Variants in TRIM37 observed in about 807,000 individuals in gnomAD.
TRIM37 encodes the protein tripartite motif containing 37, also known as E3 ubiquitin-protein ligase TRIM37.
In TRIM37, 80 loss-of-function variants were observed where a neutral mutation model predicts 129.8. That is an observed-to-expected ratio of 0.62 (90% CI 0.51 to 0.74). TRIM37 has a LOEUF of 0.74. Among genes scored for constraint, TRIM37 ranks in the 30% least tolerant of loss-of-function variants. The pLI is 0.00. For missense variants in TRIM37, 1,054 were observed against 1,176.5 expected (o/e 0.90, Z 1.52); for synonymous variants, 389 against 387.1 (o/e 1.00, Z -0.06).
intron 17 of TRIM37, among the ~76,000 whole-genome samples, chr17:59,036,628 A>C (rs572926370): frequency 6.6e-6 from 1 of 152,208 alleles, no homozygotes; most frequent in East Asian, 1.9e-4. Context: ...GACTACAGCC[A>C]GTTGAGTCAA....
Position 59,041,916 on chromosome 17 carries a change from CCAT to C in TRIM37, c.1668-21_1668-19del, listed in dbSNP as rs780160420. On this transcript the variant is annotated intron_variant, in intron 16 of 23. Coordinates refer to ENST00000262294, the MANE Select transcript of TRIM37 (RefSeq NM_015294.6). ...CTCCAGACCTAAGAATATACAAAAT[CCAT>C]CATTTATATAGAGTGATACAATAAA... 3 of 1,574,882 alleles carry C rather than the reference CCAT, an allele frequency of 1.9e-6. No homozygotes were observed. Among genetic ancestry groups the C allele is most frequent in the African/African-American group, 2.7e-5 (2 of 74,138 alleles).
chr17:58,976,110 C>T, the TRIM37 span, among the ~76,000 whole-genome samples: 2 of 151,872 alleles, frequency 1.3e-5, no homozygotes, highest in African/African-American at 2.4e-5. Flanking sequence ...ATTTTTAGGA[C>T]GAGGAGATTT....
intron 21 of TRIM37, among the ~76,000 whole-genome samples, chr17:59,014,487 T>C (rs2035663196): frequency 1.3e-5 from 2 of 152,128 alleles, no homozygotes; most frequent in African/African-American, 4.8e-5. Flanking sequence ...TGAGTTTATG[T>C]CTCCTAGGGG....
intron 13 of TRIM37, among the ~76,000 whole-genome samples, chr17:59,055,655 G>A (rs372185411): frequency 3.7e-5 from 5 of 135,910 alleles, no homozygotes; most frequent in East Asian, 4.3e-4. Context: ...CCGATATGTC[G>A]CCTCTGGGCG....
At chr17:59,096,090 C>T (rs1000692446) in intron 2 of TRIM37, among the ~76,000 whole-genome samples, 6 of 152,142 alleles carry the variant, frequency 3.9e-5, no homozygotes, top group Middle Eastern at 3.4e-3. Flanking sequence ...GGTATGTCTA[C>T]CAAAGAAAGG....
intron 2 of TRIM37, among the ~76,000 whole-genome samples, chr17:59,095,209 C>T (rs1568242798): frequency 6.6e-6 from 1 of 151,234 alleles, no homozygotes; most frequent in Non-Finnish European, 1.5e-5. Flanking sequence ...GAGCAAGACT[C>T]GGTCTCTTAA....
At chr17:59,101,333 T>C (rs1002379958) in intron 2 of TRIM37, among the ~76,000 whole-genome samples, 10 of 151,922 alleles carry the variant, frequency 6.6e-5, no homozygotes, top group Non-Finnish European at 1.3e-4. Flanking sequence ...AATATTAATA[T>C]AGTAGCAGGA....
downstream of TRIM37, among the ~76,000 whole-genome samples, chr17:58,996,669 T>C (rs1199598430): frequency 1.3e-5 from 2 of 151,192 alleles, no homozygotes; most frequent in African/African-American, 4.9e-5. Context: ...CTCAGGAGGC[T>C]TAGGTGGGAG....
intron 22 of TRIM37, among the ~76,000 whole-genome samples, chr17:59,005,813 T>C (rs750899068): frequency 2.6e-5 from 4 of 152,206 alleles, no homozygotes; most frequent in Non-Finnish European, 5.9e-5. Flanking sequence ...CAATTTTTAT[T>C]AAGTATACCA....
downstream of TRIM37, among the ~76,000 whole-genome samples, chr17:58,996,469 C>CAAA (rs776770215): frequency 2.5e-5 from 2 of 79,076 alleles, no homozygotes; most frequent in Non-Finnish European, 2.6e-5. Context: ...GAACCTGTCT[C>CAAA]AAAAAAAAAA....
intron 2 of TRIM37, among the ~76,000 whole-genome samples, chr17:59,097,039 T>C (rs2044959084): frequency 6.6e-6 from 1 of 152,216 alleles, no homozygotes; most frequent in South Asian, 2.1e-4. Flanking sequence ...TCTCAATTGA[T>C]GCAGAAAAGG....
chr17:59,069,400 T>A (rs888734069), intron 9 of TRIM37, among the ~76,000 whole-genome samples: 6 of 151,828 alleles, frequency 4.0e-5, no homozygotes, highest in African/African-American at 1.2e-4. Flanking sequence ...AATAGTACAA[T>A]GAATGCTCTG....
At chr17:59,097,150 A>C (rs977993801) in intron 2 of TRIM37, among the ~76,000 whole-genome samples, 1 of 152,166 alleles carries the variant, frequency 6.6e-6, no homozygotes, top group Non-Finnish European at 1.5e-5. Context: ...AACTCATAAA[A>C]ATCATAGTCA....
At position 59,031,922 on chromosome 17, in the gene TRIM37, G is replaced by A. The variant is rs2037888995; in HGVS notation, c.1922C>T (p.Pro641Leu). ...TGTGGGCTGCAGAAGTGAAGCAGGT[G>A]GGCGAGGCTGTAAGCCCCACAAATT... ...IENLWGLQPR[P>L]PASLLQPTAS... The change falls in exon 18 of 24, where the codon CCA (proline) becomes CTA (leucine). Residue 641 changes from proline (P) to leucine (L), a missense_variant. Pro to Leu is a moderately conservative substitution (Grantham distance 98). This residue lies in a region of TRIM37 where 752 missense variants were observed against 870.8 expected (regional missense o/e 0.86). Transcript: ENST00000262294. The A allele has an allele frequency of 1.9e-6, 3 of 1,613,914 alleles. No homozygotes were observed. Among genetic ancestry groups the A allele is most frequent in the South Asian group, 2.2e-5 (2 of 91,060 alleles).
chr17:59,084,618 T>C (rs1308645186), intron 4 of TRIM37, among the ~76,000 whole-genome samples: 1 of 152,230 alleles, frequency 6.6e-6, no homozygotes. Context: ...TTAGACTCTG[T>C]TATGGATTAA....
At chr17:59,028,307 C>G in intron 19 of TRIM37, 108 bp downstream of exon 19, 1 of 1,064,126 alleles carries the variant, frequency 9.4e-7, no homozygotes, top group Non-Finnish European at 1.4e-6. Flanking sequence ...AATTTGTAGT[C>G]TTAACTCACT....
chr17:59,037,286 C>T (rs551007478), intron 17 of TRIM37, among the ~76,000 whole-genome samples: 1 of 151,806 alleles, frequency 6.6e-6, no homozygotes, highest in East Asian at 2.0e-4. Context: ...TGGCCAGGTG[C>T]AGTGGATCAC....
intron 19 of TRIM37, among the ~76,000 whole-genome samples, chr17:59,017,865 A>T (rs2036142943): frequency 6.6e-6 from 1 of 152,122 alleles, no homozygotes; most frequent in African/African-American, 2.4e-5. Flanking sequence ...AACTCAGGTG[A>T]TCCACCTGCC....
chr17:59,052,681 A>C (rs1437185722), intron 13 of TRIM37, among the ~76,000 whole-genome samples: 1 of 152,100 alleles, frequency 6.6e-6, no homozygotes. Flanking sequence ...TTGGCCGGGC[A>C]CAGTGGCTCA....
Sources: allele counts gnomAD v4.1 joint callset (sites outside exome capture counted in the v4.1 genomes callset), GRCh38; gene constraint gnomAD v4.1.1; regional missense constraint gnomAD v4.1.1; transcripts MANE v1.5; gene names NCBI Gene and HGNC (gene_info 2026-07-23, HGNC 2026-07-21).